Variants in LTN1 observed in about 807,000 individuals in gnomAD.
LTN1 encodes the protein listerin E3 ubiquitin protein ligase 1, also known as E3 ubiquitin-protein ligase listerin.
In LTN1, 88 loss-of-function variants were observed where a neutral mutation model predicts 201.2. The observed-to-expected ratio is 0.44, with a 90% confidence interval of 0.37 to 0.52. The LOEUF is 0.52. Among genes scored for constraint, LTN1 ranks in the 20% least tolerant of loss-of-function variants. The pLI is 0.00. For missense variants in LTN1, 1,752 were observed against 2,038.7 expected (o/e 0.86, Z 2.71); for synonymous variants, 645 against 713.5 (o/e 0.90, Z 1.53).
chr21:28,970,796 C>CTTTT, intron 7 of LTN1, 54 bp from the exon 8 acceptor site: 1 of 1,357,786 alleles, frequency 7.4e-7, no homozygotes, highest in Non-Finnish European at 1.0e-6. Context: ...ATACTTTTCT[C>CTTTT]AATTAAAAGA....
chr21:28,966,033 G>C, intron 10 of LTN1, 127 bp from the exon 11 acceptor site: 1 of 646,400 alleles, frequency 1.5e-6, no homozygotes, highest in Non-Finnish European at 2.7e-6. Context: ...TCAGCCTCCT[G>C]AGTAGCTGGG....
chr21:28,962,109 G>A (rs952213501), intron 11 of LTN1, among the ~76,000 whole-genome samples: 2 of 152,196 alleles, frequency 1.3e-5, no homozygotes, highest in African/African-American at 4.8e-5. Flanking sequence ...TGTGATACCT[G>A]TTTTCCCAGT....
chr21:28,964,524 T>G, intron 11 of LTN1: 1 of 1,453,580 alleles, frequency 6.9e-7, no homozygotes, highest in Middle Eastern at 2.0e-4. Flanking sequence ...GCACTGGCAA[T>G]CCAAAATACT....
At chr21:28,954,279 C>A (rs1310693809) in intron 16 of LTN1, among the ~76,000 whole-genome samples, 1 of 152,148 alleles carries the variant, frequency 6.6e-6, no homozygotes, top group Admixed American at 6.6e-5. Flanking sequence ...GGTGTTTCAA[C>A]TTTCTTCCAC....
rs560080103 is a variant in LTN1 at position 28,937,352 on chromosome 21, A to C, written c.4483-655T>G. On this transcript the variant is annotated intron_variant, in intron 25 of 29. Coordinates refer to ENST00000361371, the MANE Select transcript of LTN1 (RefSeq NM_015565.3). ...TCTACTATATCACATATCTCCTCAC[A>C]GTACAAAGATATCATTTTCTTTCCC... Among the ~76,000 whole-genome samples, 32 of 152,262 alleles carry C rather than the reference A, an allele frequency of 2.1e-4. No homozygotes were observed. In the South Asian group the frequency reaches 3.5e-3, roughly 17 times the overall value.
rs1035478196 is a variant in LTN1 at position 28,943,860 on chromosome 21, G to C, written c.4027C>G (p.Leu1343Val). 5 of 1,613,438 alleles carry C rather than the reference G, an allele frequency of 3.1e-6. No individual in the cohort carries two copies. In the African/African-American group the frequency reaches 6.7e-5, roughly 22 times the overall value. The part of the protein sequence containing the change: ...VSETSFQNAM[L>V]KPMCETLTYI... ...GTTAATGTTTCACACATGGGTTTCAGCATTGCATTCTGAAAGGATGTTTCA... is the reference window on the plus strand; with the variant it reads ...GTTAATGTTTCACACATGGGTTTCACCATTGCATTCTGAAAGGATGTTTCA... Residue 1343 changes from leucine to valine, a missense_variant, in exon 23 of 30, where the codon CTG becomes GTG. Around this residue, in one of 3 missense-constraint regions of LTN1, gnomAD observed 1,211 missense variants for 1,312.8 expected, o/e 0.92. Transcript: ENST00000361371.
At chr21:28,949,098 CATT>C (rs1301040132) in intron 18 of LTN1, among the ~76,000 whole-genome samples, 2 of 152,172 alleles carry the variant, frequency 1.3e-5, no homozygotes, top group Non-Finnish European at 2.9e-5. Context: ...GTACTTCTGT[CATT>C]ATTAGTAAGG....
intron 6 of LTN1, among the ~76,000 whole-genome samples, chr21:28,976,908 C>T (rs1364662099): frequency 6.6e-6 from 1 of 152,098 alleles, no homozygotes; most frequent in Non-Finnish European, 1.5e-5. Context: ...TAGCACTCCC[C>T]ACTGTGTCTA....
chr21:28,931,213 T>C lies in LTN1; in HGVS notation c.5180A>G (p.Tyr1727Cys). ...TCTACAGGCTTTTTTGGGAAGGGAA[T>C]AGTTGAAACCGTGAATGACTGAGAA... ...ICFSVIHGFNYSLPKKACRTC... is the reference protein window; with the variant it reads ...ICFSVIHGFNCSLPKKACRTC... The change falls in exon 29 of 30, where the codon TAT becomes TGT. Residue 1727 changes from tyrosine (Y) to cysteine (C), a missense_variant. Coordinates refer to ENST00000361371, the MANE Select transcript of LTN1 (RefSeq NM_015565.3). 1 of 1,613,568 alleles carries C rather than the reference T, an allele frequency of 6.2e-7. No individual in the cohort carries two copies. The highest frequency in any genetic ancestry group is 2.2e-5 in the East Asian group (1 of 44,844).
intron 16 of LTN1, among the ~76,000 whole-genome samples, chr21:28,954,108 A>G (rs751889630): frequency 6.6e-6 from 1 of 152,222 alleles, no homozygotes; most frequent in African/African-American, 2.4e-5. Context: ...TGAGCTCGAT[A>G]AAATTAAAGA....
rs1384444076 is a variant in LTN1, at chr21:28,952,274, G to A, written c.3240-10C>T. The stretch of plus-strand genomic sequence containing the variant: ...GCCATGTTCTCTGGACCTGAAAAAG[G>A]AAAGAAAAAAATTATATTCCGTTTT... On this transcript the variant is annotated splice_polypyrimidine_tract_variant and intron_variant, in intron 17 of 29. Coordinates refer to ENST00000361371, the MANE Select transcript of LTN1 (RefSeq NM_015565.3). 6.7e-7 allele frequency: 1 copy of A among 1,501,244 alleles called. No homozygotes were observed. The highest frequency in any genetic ancestry group is 2.0e-5 in the Admixed American group (1 of 50,644). 93.0% of individuals were successfully genotyped at this position (1,501,244 alleles called of 1,614,324 possible). A position where few individuals can be genotyped will look rare whatever the true frequency, so the allele number is the denominator to read the frequency against.
chr21:28,965,553 G>A (rs1228803170), intron 11 of LTN1, among the ~76,000 whole-genome samples: 2 of 152,140 alleles, frequency 1.3e-5, no homozygotes, highest in Non-Finnish European at 2.9e-5. Flanking sequence ...AATAACAGCA[G>A]AAAGTTGTAG....
At chr21:28,974,998 C>T (rs1329138304) in intron 6 of LTN1, among the ~76,000 whole-genome samples, 1 of 152,038 alleles carries the variant, frequency 6.6e-6, no homozygotes, top group Non-Finnish European at 1.5e-5. Context: ...AAAAAAATAC[C>T]CTTTGGATAA....
intron 8 of LTN1, among the ~76,000 whole-genome samples, 191 bp from the exon 9 acceptor site, chr21:28,969,792 A>G (rs2084558318): frequency 6.6e-6 from 1 of 152,178 alleles, no homozygotes; most frequent in Non-Finnish European, 1.5e-5. Context: ...AACTTTGAAA[A>G]AGTTTTTCAA....
chr21:28,975,862 A>G (rs1252580863), intron 6 of LTN1, among the ~76,000 whole-genome samples: 1 of 152,246 alleles, frequency 6.6e-6, no homozygotes, highest in Non-Finnish European at 1.5e-5. Context: ...TTACTCAAGA[A>G]AGATAAAAAC....
rs1057190246 is a variant in LTN1 at position 28,988,162 on chromosome 21, A to C, written c.43-1228T>G. Among the ~76,000 whole-genome samples, 32 of 144,246 alleles carry C rather than the reference A, an allele frequency of 2.2e-4. 2 individuals are homozygous for C. Among genetic ancestry groups the C allele is most frequent in the African/African-American group, 8.0e-4 (31 of 38,666 alleles). The allele number at this position is 144,246 out of a possible 152,430, so 94.6% of individuals were successfully genotyped here. On this transcript the variant is annotated intron_variant, in intron 1 of 29. Transcript: ENST00000361371. Reference sequence around the variant, plus strand: ...GTCTCAAAAAAAAAAAAAAACAACAAAAAAAAACAAATTGCTCATACCGGC... The same window carrying C: ...GTCTCAAAAAAAAAAAAAAACAACACAAAAAAACAAATTGCTCATACCGGC...
chr21:28,948,293 G>A (rs188460651), intron 18 of LTN1, among the ~76,000 whole-genome samples: 1,600 of 132,272 alleles, frequency 0.012, 39 homozygotes, highest in African/African-American at 0.044. Context: ...TTTTTGAGAC[G>A]GAGTTTCACT....
chr21:28,966,538 C>G lies in LTN1; in HGVS notation c.1953G>C (p.Lys651Asn), dbSNP rs1339210695. 2 of 1,614,072 alleles carry G rather than the reference C, an allele frequency of 1.2e-6. No individual in the cohort carries two copies. Among genetic ancestry groups the G allele is most frequent in the Middle Eastern group, 3.3e-4 (2 of 6,062 alleles). The change falls in exon 10 of 30, where the codon AAG becomes AAC. Residue 651 changes from lysine to asparagine, a missense_variant. Lys to Asn is a moderately conservative substitution (Grantham distance 94). This residue lies in a region of LTN1 where 1,211 missense variants were observed against 1,312.8 expected (regional missense o/e 0.92). Coordinates refer to ENST00000361371, the MANE Select transcript of LTN1 (RefSeq NM_015565.3). Reference sequence around the variant, plus strand: ...GCACCGCAGGATTTTTTTGTACAAGCTTGGCTATTTCAAGAGGTTTGGCTT... The same window carrying G: ...GCACCGCAGGATTTTTTTGTACAAGGTTGGCTATTTCAAGAGGTTTGGCTT... The part of the protein sequence containing the change: ...IVQAKPLEIA[K>N]LVQKNPAVQF...
Position 28,992,833 on chromosome 21 carries a change from A to T in LTN1, c.-28T>A. The T allele has an allele frequency of 6.2e-7, 1 of 1,614,070 alleles. No homozygotes were observed. The highest frequency in any genetic ancestry group is 8.5e-7 in the Non-Finnish European group (1 of 1,179,992). The stretch of plus-strand genomic sequence containing the variant: ...TCGCGGTTGCAGCTGTACTCTGAGC[A>T]CTCAGACCCCGGTTGACACGTCCGG... On this transcript the variant is annotated 5_prime_UTR_variant, in exon 1 of 30. Transcript: ENST00000361371.
Sources: gnomAD v4.1 joint callset for allele counts (sites outside exome capture counted in the v4.1 genomes callset) on GRCh38, gnomAD v4.1.1 for gene constraint, gnomAD v4.1.1 regional missense constraint, MANE v1.5 for transcripts, NCBI Gene and HGNC (gene_info 2026-07-23, HGNC 2026-07-21) for gene names.